The following ANXA4 variants were observed in gnomAD, a reference collection of about 807,000 sequenced individuals.
ANXA4 encodes the protein annexin A4.
In ANXA4, 39 loss-of-function variants were observed where a neutral mutation model predicts 49.8. The ratio of observed to expected loss-of-function variants is 0.78; its 90% CI spans 0.61 to 1.02. The LOEUF is 1.02. ANXA4 is among the 50% of genes least tolerant of loss of function. ANXA4 has a pLI of 0.00. For synonymous variants in ANXA4, 134 were observed against 152.5 expected (o/e 0.88, Z 0.89); for missense variants, 360 against 410.1 (o/e 0.88, Z 1.05).
chr2:69,737,494 T>C (rs1205664397), upstream of ANXA4, among the ~76,000 whole-genome samples: 3 of 152,234 alleles, frequency 2.0e-5, no homozygotes, highest in African/African-American at 7.2e-5. Flanking sequence ...GGATATTTTC[T>C]AACTTTATCT....
In ANXA4 at chr2:69,784,443, A is replaced by G. The variant is rs1029271329; in HGVS notation, c.9+2869A>G. On this transcript the variant is annotated intron_variant, in intron 2 of 12. Transcript: ENST00000394295. ...AAATTTTTCAATACGGAATTTCCAAAAGAACCTTGTGAAACATTCAACTCA... is the reference window on the plus strand; with the variant it reads ...AAATTTTTCAATACGGAATTTCCAAGAGAACCTTGTGAAACATTCAACTCA... Among the ~76,000 whole-genome samples, 3 of 152,348 alleles carry G rather than the reference A, an allele frequency of 2.0e-5. No homozygotes were observed. In the East Asian group the frequency reaches 5.8e-4, roughly 29 times the overall value.
chr2:69,705,307 G>A (rs1313983209), intron 2 of ANXA4, among the ~76,000 whole-genome samples: 5 of 151,158 alleles, frequency 3.3e-5, no homozygotes, highest in African/African-American at 4.8e-5. Flanking sequence ...AAAAAAGAAA[G>A]AAAAAAAAAG....
At chr2:69,805,047 A>AG (rs1491209899) in intron 4 of ANXA4, among the ~76,000 whole-genome samples, 7 of 48,886 alleles carry the variant, frequency 1.4e-4, no homozygotes, top group African/African-American at 1.3e-3. Flanking sequence ...ACTCCATCTC[A>AG]AAAAAAAAAA....
intron 12 of ANXA4, among the ~76,000 whole-genome samples, chr2:69,824,722 C>T (rs1300910707): frequency 6.6e-6 from 1 of 151,960 alleles, no homozygotes; most frequent in Non-Finnish European, 1.5e-5. Context: ...TACCTGCATA[C>T]AATGGGATAT....
At chr2:69,750,135 A>G (rs184472928) in intron 1 of ANXA4, among the ~76,000 whole-genome samples, 2 of 152,336 alleles carry the variant, frequency 1.3e-5, no homozygotes, top group East Asian at 3.9e-4. Context: ...AAATAGTGTT[A>G]CAGATATCAC....
chr2:69,821,477 A>AT (rs10717344), intron 12 of ANXA4, among the ~76,000 whole-genome samples: 294 of 148,028 alleles, frequency 2.0e-3, no homozygotes, highest in African/African-American at 6.5e-3. Context: ...TTAACTGCAG[A>AT]TTTTTTTTTT....
intron 1 of ANXA4, among the ~76,000 whole-genome samples, chr2:69,759,695 A>T (rs1671196597): frequency 6.6e-6 from 1 of 152,218 alleles, no homozygotes; most frequent in Non-Finnish European, 1.5e-5. Flanking sequence ...ACTGTCCAGG[A>T]TGCATACTTC....
intron 2 of ANXA4, among the ~76,000 whole-genome samples, chr2:69,662,778 C>A (rs1676769064): frequency 6.6e-6 from 1 of 152,010 alleles, no homozygotes; most frequent in Admixed American, 6.6e-5. Flanking sequence ...GGCTTCCAGG[C>A]AGCTTTGTAG....
chr2:69,658,399 C>CAAAAA (rs754617600), intron 2 of ANXA4, among the ~76,000 whole-genome samples: 16 of 74,636 alleles, frequency 2.1e-4, no homozygotes, highest in African/African-American at 5.8e-4. Flanking sequence ...GGTTCTGTCT[C>CAAAAA]AAAAAAAAAA....
intron 1 of ANXA4, among the ~76,000 whole-genome samples, chr2:69,756,355 T>G (rs1671039500): frequency 6.6e-6 from 1 of 152,220 alleles, no homozygotes; most frequent in Admixed American, 6.5e-5. Flanking sequence ...GTCAGCTAGT[T>G]ACTTTTTAAC....
chr2:69,784,340 T>G (rs1672327084), intron 2 of ANXA4, among the ~76,000 whole-genome samples: 1 of 152,238 alleles, frequency 6.6e-6, no homozygotes, highest in Non-Finnish European at 1.5e-5. Context: ...TTGTTATATA[T>G]TAATCCTAAT....
intron 8 of ANXA4, chr2:69,815,041 C>T (rs1475906944): frequency 1.3e-5 from 2 of 152,286 alleles, no homozygotes; most frequent in Non-Finnish European, 2.9e-5. Context: ...AGGAGTCCCT[C>T]TCACTCTTGG....
intron 4 of ANXA4, 87 bp from the exon 5 acceptor site, chr2:69,806,298 G>C (rs1247332313): frequency 1.1e-6 from 1 of 893,552 alleles, no homozygotes; most frequent in East Asian, 2.5e-5. Context: ...GGGTCTTGGA[G>C]ACCCCAGACA....
At chr2:69,690,469 C>T (rs976147682) in intron 2 of ANXA4, among the ~76,000 whole-genome samples, 2 of 152,034 alleles carry the variant, frequency 1.3e-5, no homozygotes, top group African/African-American at 4.8e-5. Flanking sequence ...GAACTCCTGA[C>T]CTCAAGTGAT....
chr2:69,725,845 TGAC>T (rs1415333835), intron 3 of ANXA4, among the ~76,000 whole-genome samples: 2 of 152,258 alleles, frequency 1.3e-5, no homozygotes, highest in African/African-American at 2.4e-5. Context: ...TCATTTTACC[TGAC>T]ATTTTATTAG....
chr2:69,789,371 T>G (rs1321334845), intron 3 of ANXA4, among the ~76,000 whole-genome samples: 1 of 152,144 alleles, frequency 6.6e-6, no homozygotes, highest in Non-Finnish European at 1.5e-5. Flanking sequence ...ATTCTTGCCT[T>G]GAGTCCGTCT....
chr2:69,777,103 G>A (rs557373946), intron 1 of ANXA4, among the ~76,000 whole-genome samples: 1 of 152,288 alleles, frequency 6.6e-6, no homozygotes, highest in South Asian at 2.1e-4. Flanking sequence ...CATAGGGTGG[G>A]GCACGTGGGG....
At chr2:69,783,512 G>T (rs1672287034) in intron 2 of ANXA4, among the ~76,000 whole-genome samples, 1 of 152,180 alleles carries the variant, frequency 6.6e-6, no homozygotes, top group Non-Finnish European at 1.5e-5. Flanking sequence ...ACCGCGCCCA[G>T]CTTTCTTCTT....
intron 2 of ANXA4, among the ~76,000 whole-genome samples, chr2:69,708,338 C>T (rs910812298): frequency 2.6e-5 from 4 of 152,162 alleles, no homozygotes; most frequent in East Asian, 3.9e-4. Flanking sequence ...TCTACGGACA[C>T]GACTAGCCAG....
Sources: allele counts gnomAD v4.1 joint callset (sites outside exome capture counted in the v4.1 genomes callset), GRCh38; gene constraint gnomAD v4.1.1; transcripts MANE v1.5; gene names NCBI Gene and HGNC (gene_info 2026-07-23, HGNC 2026-07-21).